TXNDC11: variants seen among roughly 807,000 people sequenced by gnomAD.
TXNDC11 encodes thioredoxin domain containing 11.
A neutral mutation model predicts 78.0 loss-of-function variants in TXNDC11; 68 were observed. That is an observed-to-expected ratio of 0.87 (90% CI 0.72 to 1.07). TXNDC11 has a LOEUF of 1.07. Ranked by LOEUF, TXNDC11 falls within the 50% of genes least tolerant of loss-of-function variation. TXNDC11 has a pLI of 0.00. For missense variants in TXNDC11, 1,389 were observed against 1,221.8 expected (o/e 1.14, Z -2.04); for synonymous variants, 571 against 495.2 (o/e 1.15, Z -2.03).
chr16:11,742,700 T>A lies in TXNDC11; in HGVS notation c.31A>T (p.Ser11Cys). 3 of 1,478,976 alleles carry A rather than the reference T, an allele frequency of 2.0e-6. No homozygotes were observed. Among genetic ancestry groups the A allele is most frequent in the Admixed American group, 2.4e-5 (1 of 41,140 alleles). The allele number at this position is 1,478,976 out of a possible 1,614,324, so 91.6% of individuals were successfully genotyped here. MSECGGRGGG[S>C]SSSEDAEDEG... is the part of the protein sequence containing the mutation. ...TCCTCGGCGTCCTCGCTGCTGCTGC[T>A]GCCGCCGCCGCGGCCTCCGCATTCC... The change falls in exon 1 of 12, where the codon AGC (serine) becomes TGC (cysteine). Residue 11 changes from serine to cysteine, a missense_variant. Ser to Cys is a moderately radical substitution (Grantham distance 112). Transcript: ENST00000283033.
intron 10 of TXNDC11, among the ~76,000 whole-genome samples, chr16:11,684,821 G>A (rs2050521660): frequency 6.6e-6 from 1 of 152,212 alleles, no homozygotes; most frequent in African/African-American, 2.4e-5. Context: ...GCACAGAGCT[G>A]GGCACACAGC....
chr16:11,718,154 C>T (rs1428149003), intron 5 of TXNDC11, among the ~76,000 whole-genome samples: 1 of 152,136 alleles, frequency 6.6e-6, no homozygotes, highest in East Asian at 1.9e-4. Context: ...GCACACCCTA[C>T]AGCCCTGTGA....
chr16:11,723,137 A>G (rs896688299), intron 4 of TXNDC11, among the ~76,000 whole-genome samples: 1 of 152,074 alleles, frequency 6.6e-6, no homozygotes, highest in Non-Finnish European at 1.5e-5. Flanking sequence ...ACATGCCTGT[A>G]GTCCCAAATA....
At chr16:11,704,773 G>GA (rs1262412769) in intron 5 of TXNDC11, among the ~76,000 whole-genome samples, 2 of 152,010 alleles carry the variant, frequency 1.3e-5, no homozygotes, top group Non-Finnish European at 1.5e-5. Context: ...AGGAAACTGA[G>GA]AAAAAAACCA....
intron 10 of TXNDC11, among the ~76,000 whole-genome samples, chr16:11,685,630 C>A (rs1203214616): frequency 2.0e-5 from 3 of 151,332 alleles, no homozygotes; most frequent in Admixed American, 6.6e-5. Context: ...GCCTGGGCAA[C>A]AGAGCAAGAC....
intron 5 of TXNDC11, among the ~76,000 whole-genome samples, chr16:11,716,194 A>C (rs1035140523): frequency 6.6e-6 from 1 of 152,228 alleles, no homozygotes; most frequent in African/African-American, 2.4e-5. Context: ...TTTTCTCCCT[A>C]GACTGCACTG....
intron 5 of TXNDC11, among the ~76,000 whole-genome samples, chr16:11,715,145 G>A (rs2051490924): frequency 2.0e-5 from 3 of 152,106 alleles, no homozygotes; most frequent in South Asian, 2.1e-4. Context: ...CCAGCTACTC[G>A]AGAAGCTGAG....
intron 4 of TXNDC11, among the ~76,000 whole-genome samples, chr16:11,725,131 T>C (rs1373848202): frequency 6.6e-6 from 1 of 152,214 alleles, no homozygotes; most frequent in Admixed American, 6.5e-5. Context: ...TTTCAGTTTT[T>C]AGCTACATTC....
At chr16:11,737,844 C>T (rs949814251) in intron 1 of TXNDC11, among the ~76,000 whole-genome samples, 3 of 126,214 alleles carry the variant, frequency 2.4e-5, no homozygotes, top group Non-Finnish European at 4.8e-5. Flanking sequence ...AGCGAGACTA[C>T]GTCTCTCAAA....
At chr16:11,709,484 G>A (rs568369277) in intron 5 of TXNDC11, among the ~76,000 whole-genome samples, 1 of 139,294 alleles carries the variant, frequency 7.2e-6, no homozygotes, top group Non-Finnish European at 1.5e-5. Flanking sequence ...GCCCAGGCTG[G>A]AGTGCAGTGG....
At chr16:11,700,428 TA>T (rs1487616797) in intron 6 of TXNDC11, 23 bp downstream of exon 6, 1 of 1,196,480 alleles carries the variant, frequency 8.4e-7, no homozygotes, top group Non-Finnish European at 1.2e-6. Flanking sequence ...TGCGCTAACA[TA>T]AACGTGATTT....
rs1474372594 is a variant in TXNDC11 at position 11,679,320 on chromosome 16, T to A, written c.2752A>T (p.Arg918Ter). The A allele has an allele frequency of 2.5e-6, 4 of 1,612,654 alleles. No individual in the cohort carries two copies. Among genetic ancestry groups the A allele is most frequent in the Non-Finnish European group, 2.5e-6 (3 of 1,179,696 alleles). Residue 918 changes from arginine to a stop codon, truncating the protein, a stop_gained, in exon 12 of 12, where the codon AGA (arginine) becomes TGA (stop). Coordinates refer to ENST00000283033, the MANE Select transcript of TXNDC11 (RefSeq NM_015914.7). LOFTEE classifies it low-confidence loss of function (END_TRUNC). The surrounding 1 kb of genome is among the most constrained non-coding windows in gnomAD (Gnocchi z 4.6). Reference sequence around the variant, plus strand: ...TCAGGCTGCTTGGGGTGGACCTCTCTCTGGGCCGCCAGGCTTTCAGCTCCA... The same window carrying A: ...TCAGGCTGCTTGGGGTGGACCTCTCACTGGGCCGCCAGGCTTTCAGCTCCA... ...RDGAESLAAQ[R>*]EVHPKQPEPS...
rs1459044183 is a variant in TXNDC11 at position 11,742,856 on chromosome 16, G to A, written c.-126C>T. The A allele has an allele frequency of 5.4e-6, 7 of 1,291,722 alleles. No individual in the cohort carries two copies. Among genetic ancestry groups the A allele is most frequent in the South Asian group, 2.2e-5 (1 of 45,548 alleles). 80.0% of individuals were successfully genotyped at this position (1,291,722 alleles called of 1,614,324 possible). On this transcript the variant is annotated 5_prime_UTR_variant, in exon 1 of 12. Coordinates refer to ENST00000283033, the MANE Select transcript of TXNDC11 (RefSeq NM_015914.7). Reference sequence around the variant, plus strand: ...CTAACCCGGACGCTCCACGTCAGCCGCGCCGCCGCCGCGGGGTCCGCCCCA... The same window carrying A: ...CTAACCCGGACGCTCCACGTCAGCCACGCCGCCGCCGCGGGGTCCGCCCCA...
At position 11,682,911 on chromosome 16, in the gene TXNDC11, G is replaced by A; in HGVS notation, c.2234+1254C>T. Among the ~76,000 whole-genome samples, 2 of 152,190 alleles carry A rather than the reference G, an allele frequency of 1.3e-5. 1 individual carries two copies. Among genetic ancestry groups the A allele is most frequent in the East Asian group, 3.8e-4 (2 of 5,202 alleles). On this transcript the variant is annotated intron_variant, in intron 11 of 11. Coordinates refer to ENST00000283033, the MANE Select transcript of TXNDC11 (RefSeq NM_015914.7). ...ACCAAGGGAATGATTCAATAGATAT[G>A]AAGGAAACACTCTCCTAGAGAAACA...
intron 4 of TXNDC11, among the ~76,000 whole-genome samples, chr16:11,722,443 T>A (rs925157730): frequency 1.3e-5 from 2 of 152,252 alleles, no homozygotes; most frequent in Non-Finnish European, 2.9e-5. Flanking sequence ...GAAGGCCCTG[T>A]GGCACTCATT....
chr16:11,734,427 A>T (rs540194135), intron 2 of TXNDC11, among the ~76,000 whole-genome samples: 48 of 152,000 alleles, frequency 3.2e-4, no homozygotes, highest in African/African-American at 9.9e-4. Context: ...TTTTTTTTTT[A>T]AAAAAAGCAG....
chr16:11,721,632 G>A lies in TXNDC11; in HGVS notation c.738C>T (p.Pro246=). The part of the protein sequence containing the change: ...VLGYFEFSGS[P]QPPGYLTFFT... ...AGAAGGTCAAATAACCAGGAGGCTG[G>A]GGTGAGCCACTGAACTCAAAGTACC... The change falls in exon 5 of 12, where the codon CCC becomes CCT. Residue 246 remains proline (P), a synonymous_variant. Coordinates refer to ENST00000283033, the MANE Select transcript of TXNDC11 (RefSeq NM_015914.7). The A allele has an allele frequency of 6.2e-7, 1 of 1,612,584 alleles. No homozygotes were observed. Among genetic ancestry groups the A allele is most frequent in the Non-Finnish European group, 8.5e-7 (1 of 1,179,104 alleles).
intron 5 of TXNDC11, among the ~76,000 whole-genome samples, chr16:11,720,359 TA>T (rs2051666006): frequency 6.6e-6 from 1 of 151,688 alleles, no homozygotes; most frequent in Admixed American, 6.6e-5. Context: ...AAATAACCAC[TA>T]AAAATGCTGA....
intron 5 of TXNDC11, among the ~76,000 whole-genome samples, chr16:11,704,868 T>G (rs530204241): frequency 1.3e-5 from 2 of 151,812 alleles, no homozygotes; most frequent in African/African-American, 4.8e-5. Flanking sequence ...AAATGAGGTC[T>G]GCAGTTTAGT....
Sources: allele counts gnomAD v4.1 joint callset (sites outside exome capture counted in the v4.1 genomes callset), GRCh38; gene constraint gnomAD v4.1.1; non-coding constraint Gnocchi (gnomAD v3.1); transcripts MANE v1.5; gene names NCBI Gene and HGNC (gene_info 2026-07-23, HGNC 2026-07-21).